The following MSRB3 variants were observed in gnomAD, a reference collection of about 807,000 sequenced individuals.
MSRB3 encodes the protein methionine sulfoxide reductase B3.
A neutral mutation model predicts 21.0 loss-of-function variants in MSRB3; 13 were observed. The observed-to-expected ratio is 0.62, with a 90% CI of 0.40 to 0.98. The LOEUF (loss-of-function observed/expected upper bound fraction) is 0.98, where lower values mean the gene tolerates loss of function less well. Among genes scored for constraint, MSRB3 ranks in the 50% least tolerant of loss-of-function variants. The pLI, the probability that MSRB3 is intolerant of heterozygous loss-of-function variation, is 0.00. For missense variants in MSRB3, 199 were observed against 230.3 expected (o/e 0.86, Z 0.88); for synonymous variants, 87 against 88.6 (o/e 0.98, Z 0.10).
intron 6 of MSRB3, among the ~76,000 whole-genome samples, chr12:65,458,416 A>G (rs1372974028): frequency 6.6e-6 from 1 of 152,154 alleles, no homozygotes; most frequent in South Asian, 2.1e-4. Flanking sequence ...CTTCTCAGAT[A>G]ATGTTTTTAG....
chr12:65,400,093 G>T (rs747732652), intron 5 of MSRB3, among the ~76,000 whole-genome samples: 1 of 152,150 alleles, frequency 6.6e-6, no homozygotes, highest in East Asian at 1.9e-4. Flanking sequence ...CCAGGTTTTG[G>T]TATGAGGATG....
intron 6 of MSRB3, among the ~76,000 whole-genome samples, chr12:65,460,968 T>A (rs1316053872): frequency 6.6e-6 from 1 of 151,830 alleles, no homozygotes; most frequent in Non-Finnish European, 1.5e-5. Context: ...ATGCTTTATT[T>A]TTGGTGTAGA....
At chr12:65,284,183 T>C (rs1475767317) in intron 1 of MSRB3, 6 of 152,222 alleles carry the variant, frequency 3.9e-5, no homozygotes, top group Non-Finnish European at 5.9e-5. Flanking sequence ...ATTGGGTTAG[T>C]AAGTTATGAG....
chr12:65,412,170 A>G (rs1880749613), intron 5 of MSRB3, among the ~76,000 whole-genome samples: 4 of 152,124 alleles, frequency 2.6e-5, no homozygotes, highest in African/African-American at 9.7e-5. Flanking sequence ...AGATTTTCCT[A>G]TTCAATAACT....
intron 5 of MSRB3, among the ~76,000 whole-genome samples, chr12:65,430,129 A>G (rs1881807173): frequency 6.6e-6 from 1 of 152,116 alleles, no homozygotes; most frequent in African/African-American, 2.4e-5. Flanking sequence ...TGGTTTGAAG[A>G]ATCTAAAAGG....
chr12:65,452,881 TG>T (rs936272922), intron 5 of MSRB3, among the ~76,000 whole-genome samples: 2 of 152,154 alleles, frequency 1.3e-5, no homozygotes, highest in African/African-American at 4.8e-5. Flanking sequence ...TTCATCATTT[TG>T]GGGATTCAGG....
At chr12:65,306,970 A>G in intron 1 of MSRB3, 1 of 985,908 alleles carries the variant, frequency 1.0e-6, no homozygotes, top group Non-Finnish European at 1.2e-6. Flanking sequence ...ATGAAACAGA[A>G]TAGGAAGACG....
At chr12:65,291,969 A>T (rs1473611883) in intron 1 of MSRB3, among the ~76,000 whole-genome samples, 1 of 152,294 alleles carries the variant, frequency 6.6e-6, no homozygotes, top group Middle Eastern at 3.4e-3. Flanking sequence ...GAGGCAGTAA[A>T]CCATTTAGGC....
At chr12:65,313,496 A>G (rs779773677) in intron 2 of MSRB3, among the ~76,000 whole-genome samples, 5 of 152,070 alleles carry the variant, frequency 3.3e-5, no homozygotes, top group African/African-American at 7.2e-5. Context: ...GAAAAGACAT[A>G]TATGCATCTA....
intron 5 of MSRB3, among the ~76,000 whole-genome samples, chr12:65,427,420 C>T (rs1881655540): frequency 6.6e-6 from 1 of 152,134 alleles, no homozygotes; most frequent in South Asian, 2.1e-4. Flanking sequence ...TCCACAGTGG[C>T]AGTGAGGGTT....
chr12:65,435,957 A>C (rs1882095976), intron 5 of MSRB3, among the ~76,000 whole-genome samples: 1 of 151,848 alleles, frequency 6.6e-6, no homozygotes, highest in Non-Finnish European at 1.5e-5. Context: ...TTTCCATTTA[A>C]TACATCCTAC....
At chr12:65,303,190 A>G (rs59523785) in intron 1 of MSRB3, among the ~76,000 whole-genome samples, 33,463 of 152,020 alleles carry the variant, frequency 0.22, 4,558 homozygotes, top group Admixed American at 0.35. Flanking sequence ...TAAAACTACT[A>G]GTACAATCAG....
intron 5 of MSRB3, among the ~76,000 whole-genome samples, chr12:65,426,998 C>A (rs1230317947): frequency 6.6e-6 from 1 of 152,174 alleles, no homozygotes; most frequent in Middle Eastern, 3.2e-3. Context: ...TTTCCTAAAA[C>A]AATTGTTTTG....
At chr12:65,427,542 C>CA (rs1365801751) in intron 5 of MSRB3, among the ~76,000 whole-genome samples, 2 of 152,152 alleles carry the variant, frequency 1.3e-5, no homozygotes, top group Non-Finnish European at 2.9e-5. Flanking sequence ...CTTGCAGGCC[C>CA]ACTCGCAGTT....
chr12:65,310,324 A>G (rs1873913404), intron 2 of MSRB3, among the ~76,000 whole-genome samples: 1 of 152,148 alleles, frequency 6.6e-6, no homozygotes, highest in African/African-American at 2.4e-5. Context: ...TGGCCATTAC[A>G]GTGGAGTTGA....
rs189485400 is a variant in MSRB3 at position 65,442,341 on chromosome 12, C to T, written c.293-11387C>T. 2.5e-3 allele frequency among the ~76,000 whole-genome samples: 380 copies of T among 152,024 alleles called. 1 individual carries two copies. The highest frequency in any genetic ancestry group is 8.4e-3 in the African/African-American group (348 of 41,516). ...ATTACTCTGACATTTTTGATAAGTA[C>T]CCAACCAAAAAATGTAAGTAATAGT... On this transcript the variant is annotated intron_variant, in intron 5 of 6. Coordinates refer to ENST00000308259, the MANE Select transcript of MSRB3 (RefSeq NM_001031679.3).
chr12:65,420,827 T>C (rs1021333888), intron 5 of MSRB3, among the ~76,000 whole-genome samples: 1 of 152,252 alleles, frequency 6.6e-6, no homozygotes, highest in Admixed American at 6.5e-5. Flanking sequence ...TTCATAGTAT[T>C]CCATGGAATA....
chr12:65,424,171 TG>T (rs1387330227), intron 5 of MSRB3, among the ~76,000 whole-genome samples: 1 of 152,110 alleles, frequency 6.6e-6, no homozygotes, highest in African/African-American at 2.4e-5. Flanking sequence ...GTGCTATTTG[TG>T]TAATACCTCC....
intron 5 of MSRB3, among the ~76,000 whole-genome samples, chr12:65,417,961 C>T (rs1881066569): frequency 6.6e-6 from 1 of 152,208 alleles, no homozygotes; most frequent in Non-Finnish European, 1.5e-5. Context: ...GCAGATATCT[C>T]AACAGACTGA....
Sources: gnomAD v4.1 joint callset for allele counts (sites outside exome capture counted in the v4.1 genomes callset) on GRCh38, gnomAD v4.1.1 for gene constraint, MANE v1.5 for transcripts, NCBI Gene and HGNC (gene_info 2026-07-23, HGNC 2026-07-21) for gene names.